NKAIN2: variants seen among roughly 807,000 people sequenced by gnomAD.
NKAIN2 encodes the protein sodium/potassium-transporting ATPase subunit beta-1-interacting protein 2.
A neutral mutation model predicts 32.6 loss-of-function variants in NKAIN2; 14 were observed. That is an observed-to-expected ratio of 0.43 (90% CI 0.28 to 0.67). NKAIN2 has a LOEUF of 0.67. Ranked by LOEUF, NKAIN2 falls within the 30% of genes least tolerant of loss-of-function variation. The probability of loss-of-function intolerance (pLI) is 0.17; values close to 1 mark genes in which losing one functional copy is unlikely to be tolerated. For synonymous variants in NKAIN2, 80 were observed against 87.2 expected (o/e 0.92, Z 0.46); for missense variants, 198 against 258.3 (o/e 0.77, Z 1.60).
At chr6:124,586,645 A>C (rs375107618) in intron 3 of NKAIN2, among the ~76,000 whole-genome samples, 1 of 152,266 alleles carries the variant, frequency 6.6e-6, no homozygotes, top group African/African-American at 2.4e-5. Flanking sequence ...CTTAAAAAAA[A>C]GTTCAGTACA....
At chr6:124,350,209 CTAGT>C (rs1302998798) in intron 2 of NKAIN2, among the ~76,000 whole-genome samples, 1 of 152,164 alleles carries the variant, frequency 6.6e-6, no homozygotes, top group Non-Finnish European at 1.5e-5. Flanking sequence ...ATCACATCAA[CTAGT>C]TGTAGCAACA....
chr6:124,345,074 G>A (rs1475927753), intron 2 of NKAIN2, among the ~76,000 whole-genome samples: 1 of 152,082 alleles, frequency 6.6e-6, no homozygotes, highest in Non-Finnish European at 1.5e-5. Context: ...GGCCTTTTCT[G>A]CATCTATTGA....
chr6:124,702,667 CT>C (rs796811761), intron 4 of NKAIN2, among the ~76,000 whole-genome samples: 7 of 152,134 alleles, frequency 4.6e-5, no homozygotes, highest in African/African-American at 1.7e-4. Context: ...TAGTATTGTT[CT>C]TTCTCCATTA....
intron 1 of NKAIN2, among the ~76,000 whole-genome samples, chr6:123,962,814 T>C (rs1166737233): frequency 6.6e-6 from 1 of 152,160 alleles, no homozygotes; most frequent in African/African-American, 2.4e-5. Context: ...ATGATTACCC[T>C]GCTAACGCTG....
chr6:124,010,282 CTGATA>C (rs1780266570), intron 1 of NKAIN2, among the ~76,000 whole-genome samples: 1 of 151,942 alleles, frequency 6.6e-6, no homozygotes, highest in Non-Finnish European at 1.5e-5. Context: ...CATTTTTTAA[CTGATA>C]AGGGTCTACA....
chr6:124,706,998 A>T (rs1428996254), intron 4 of NKAIN2, among the ~76,000 whole-genome samples: 2 of 51,146 alleles, frequency 3.9e-5, no homozygotes, highest in South Asian at 7.2e-4. Context: ...CCCTCCCCCC[A>T]CCCCACCACA....
intron 1 of NKAIN2, among the ~76,000 whole-genome samples, chr6:124,089,083 A>T (rs1186467684): frequency 3.3e-5 from 5 of 152,010 alleles, no homozygotes; most frequent in Non-Finnish European, 5.9e-5. Context: ...TAAAATTTTC[A>T]TTGGATCTAA....
chr6:124,424,945 A>G (rs1419538112), intron 3 of NKAIN2, among the ~76,000 whole-genome samples: 1 of 152,166 alleles, frequency 6.6e-6, no homozygotes, highest in Non-Finnish European at 1.5e-5. Flanking sequence ...TGCTGGATCA[A>G]TGGTAGTTCT....
At chr6:123,876,830 A>G (rs1281030998) in intron 1 of NKAIN2, among the ~76,000 whole-genome samples, 2 of 152,240 alleles carry the variant, frequency 1.3e-5, no homozygotes, top group African/African-American at 2.4e-5. Context: ...TCTCATAGAC[A>G]TACTCAGAAA....
chr6:124,306,670 C>T (rs1796516844), intron 2 of NKAIN2, among the ~76,000 whole-genome samples: 1 of 152,080 alleles, frequency 6.6e-6, no homozygotes, highest in African/African-American at 2.4e-5. Context: ...TATTCATTTT[C>T]CTCTCTTCTT....
chr6:123,889,128 C>A (rs1371614603), intron 1 of NKAIN2, among the ~76,000 whole-genome samples: 1 of 152,116 alleles, frequency 6.6e-6, no homozygotes, highest in East Asian at 1.9e-4. Context: ...TATCATAAAT[C>A]CAAACCAGAA....
intron 3 of NKAIN2, among the ~76,000 whole-genome samples, chr6:124,623,936 C>T (rs573716695): frequency 6.6e-6 from 1 of 152,234 alleles, no homozygotes; most frequent in East Asian, 1.9e-4. Flanking sequence ...TTGACTGGCC[C>T]TACTTGAAAT....
chr6:124,306,311 A>G (rs562385645), intron 2 of NKAIN2, among the ~76,000 whole-genome samples: 16 of 152,290 alleles, frequency 1.1e-4, no homozygotes, highest in African/African-American at 2.6e-4. Flanking sequence ...AATAGCCTTT[A>G]TAACTTCAAA....
intron 3 of NKAIN2, among the ~76,000 whole-genome samples, chr6:124,396,788 T>A (rs1005133135): frequency 1.3e-5 from 2 of 152,188 alleles, no homozygotes; most frequent in African/African-American, 4.8e-5. Context: ...AACTTGCTTC[T>A]GATGCATCAA....
intron 1 of NKAIN2, among the ~76,000 whole-genome samples, chr6:124,161,900 A>G (rs1582765910): frequency 6.6e-6 from 1 of 152,118 alleles, no homozygotes; most frequent in South Asian, 2.1e-4. Context: ...CACACCATAT[A>G]CTCATGTAAC....
intron 1 of NKAIN2, among the ~76,000 whole-genome samples, chr6:124,108,569 G>T (rs1785225760): frequency 6.6e-6 from 1 of 151,952 alleles, no homozygotes; most frequent in African/African-American, 2.4e-5. Flanking sequence ...CTCTTTTAGT[G>T]TTTAATGTCT....
chr6:124,493,886 T>C (rs531893576), intron 3 of NKAIN2, among the ~76,000 whole-genome samples: 1 of 152,062 alleles, frequency 6.6e-6, no homozygotes, highest in Non-Finnish European at 1.5e-5. Flanking sequence ...AAGAGCATCC[T>C]CCAAAATCAA....
At chr6:124,421,084 A>AAC (rs1774726862) in intron 3 of NKAIN2, among the ~76,000 whole-genome samples, 1 of 151,428 alleles carries the variant, frequency 6.6e-6, no homozygotes, top group Non-Finnish European at 1.5e-5. Context: ...TAAAAAAAAA[A>AAC]AAAAAAAAAA....
intron 1 of NKAIN2, among the ~76,000 whole-genome samples, chr6:124,174,566 C>T (rs1409135145): frequency 2.6e-5 from 4 of 152,146 alleles, no homozygotes; most frequent in African/African-American, 7.2e-5. Flanking sequence ...GGGATTCAGC[C>T]TCCTTACCCT....
Sources: allele counts gnomAD v4.1 joint callset (sites outside exome capture counted in the v4.1 genomes callset), GRCh38; gene constraint gnomAD v4.1.1; transcripts MANE v1.5; gene names NCBI Gene and HGNC (gene_info 2026-07-23, HGNC 2026-07-21).